PTPRD: variants seen among roughly 807,000 people sequenced by gnomAD.
PTPRD encodes the protein receptor-type tyrosine-protein phosphatase delta.
Under a neutral mutation model 214.5 loss-of-function variants are expected in PTPRD, and 34 were observed. The ratio of observed to expected loss-of-function variants is 0.16; its 90% CI spans 0.12 to 0.21. PTPRD has a LOEUF of 0.21. Among genes scored for constraint, PTPRD ranks in the 10% least tolerant of loss-of-function variants. PTPRD has a pLI of 1.00. For synonymous variants in PTPRD, 1,128 were observed against 845.7 expected, an observed-to-expected ratio of 1.33 and a Z score of -5.79; for missense variants, 2,545 against 2,398.7, an observed-to-expected ratio of 1.06 and a Z score of -1.27.
intron 36 of PTPRD, among the ~76,000 whole-genome samples, chr9:8,400,565 G>C (rs1183772517): frequency 6.6e-6 from 1 of 152,140 alleles, no homozygotes; most frequent in African/African-American, 2.4e-5. Flanking sequence ...TAGATTTTTA[G>C]GCAAAAAGAT....
At position 9,172,616 on chromosome 9, in the gene PTPRD, T is replaced by G. The variant is rs1592880709; in HGVS notation, c.-143+10688A>C. Among the ~76,000 whole-genome samples, 3 of 152,292 alleles carry G rather than the reference T, an allele frequency of 2.0e-5. No homozygotes were observed. In the East Asian group the frequency reaches 5.8e-4, roughly 29 times the overall value. Reference sequence around the variant, plus strand: ...GATGTGCTATGTCTTCTTATTCTTCTGTATGTTCCCTAGGCACTGGCAAAG... The same window carrying G: ...GATGTGCTATGTCTTCTTATTCTTCGGTATGTTCCCTAGGCACTGGCAAAG... On this transcript the variant is annotated intron_variant, in intron 10 of 45. Coordinates refer to ENST00000381196, the MANE Select transcript of PTPRD (RefSeq NM_002839.4).
chr9:9,144,729 G>T (rs2099865819), intron 10 of PTPRD, among the ~76,000 whole-genome samples: 1 of 151,992 alleles, frequency 6.6e-6, no homozygotes. Context: ...CTCCAACCTA[G>T]GCGACAGAGC....
At chr9:9,942,838 A>G (rs2091833965) in intron 4 of PTPRD, among the ~76,000 whole-genome samples, 2 of 151,446 alleles carry the variant, frequency 1.3e-5, no homozygotes, top group South Asian at 4.2e-4. Context: ...ATCATCCTAT[A>G]CATTTTCAAA....
intron 8 of PTPRD, among the ~76,000 whole-genome samples, chr9:9,509,779 G>T (rs940240970): frequency 2.1e-5 from 3 of 145,606 alleles, no homozygotes; most frequent in African/African-American, 7.7e-5. Context: ...ATTTACCACA[G>T]TTTATTGAAA....
intron 5 of PTPRD, among the ~76,000 whole-genome samples, chr9:9,776,097 G>T (rs932879100): frequency 1.3e-5 from 2 of 151,884 alleles, no homozygotes; most frequent in Admixed American, 6.6e-5. Context: ...GCCTTGCTCA[G>T]CAGTCTTACA....
chr9:9,809,264 A>ATT (rs58701533), intron 5 of PTPRD, among the ~76,000 whole-genome samples: 2,602 of 118,136 alleles, frequency 0.022, 90 homozygotes, highest in African/African-American at 0.051. Flanking sequence ...GCCACAAGAG[A>ATT]TTTTTTTTTT....
chr9:9,577,222 C>G (rs894658820), intron 7 of PTPRD, among the ~76,000 whole-genome samples: 1 of 152,106 alleles, frequency 6.6e-6, no homozygotes, highest in African/African-American at 2.4e-5. Context: ...TTTAATTTAC[C>G]ATTTTCAATG....
At chr9:8,391,598 C>G (rs1244866311) in intron 36 of PTPRD, among the ~76,000 whole-genome samples, 1 of 152,086 alleles carries the variant, frequency 6.6e-6, no homozygotes, top group Admixed American at 6.6e-5. Context: ...CAGGAAAAAC[C>G]TACTTTCAAA....
At chr9:9,468,996 T>C (rs2094412563) in intron 8 of PTPRD, among the ~76,000 whole-genome samples, 2 of 152,108 alleles carry the variant, frequency 1.3e-5, no homozygotes, top group Admixed American at 1.3e-4. Context: ...ATCAAATATT[T>C]ATATGTGACT....
intron 37 of PTPRD, 114 bp from the exon 38 acceptor site, chr9:8,376,840 CT>C: frequency 7.2e-7 from 1 of 1,384,710 alleles, no homozygotes; most frequent in Non-Finnish European, 9.9e-7. Flanking sequence ...TTATGTTGAT[CT>C]TTTTCTGGCA....
intron 7 of PTPRD, among the ~76,000 whole-genome samples, chr9:9,648,251 A>G (rs1174737628): frequency 6.6e-6 from 1 of 152,092 alleles, no homozygotes; most frequent in Non-Finnish European, 1.5e-5. Flanking sequence ...GTATATTTAG[A>G]GCCAAAAAAA....
intron 8 of PTPRD, among the ~76,000 whole-genome samples, chr9:9,415,277 C>A (rs1373845582): frequency 6.6e-6 from 1 of 151,950 alleles, no homozygotes; most frequent in East Asian, 1.9e-4. Flanking sequence ...AGTTTGAGAG[C>A]AGACTGGCTA....
chr9:10,259,059 G>GTCGCC (rs1450079525), intron 3 of PTPRD, among the ~76,000 whole-genome samples: 51 of 152,136 alleles, frequency 3.4e-4, no homozygotes, highest in African/African-American at 1.2e-3. Context: ...GTCTCACTCT[G>GTCGCC]TCGCCCAGGC....
At chr9:10,476,361 T>C (rs958283286) in intron 2 of PTPRD, among the ~76,000 whole-genome samples, 2 of 152,100 alleles carry the variant, frequency 1.3e-5, no homozygotes, top group African/African-American at 4.8e-5. Flanking sequence ...GAAAGCCAAA[T>C]CATGAGTGAA....
In PTPRD at chr9:8,937,527, G is replaced by A. The variant is rs553504784; in HGVS notation, c.-104+81170C>T. 2.1e-4 allele frequency among the ~76,000 whole-genome samples: 32 copies of A among 152,218 alleles called. No individual in the cohort carries two copies. In the South Asian group the frequency reaches 5.0e-3, roughly 24 times the overall value. On this transcript the variant is annotated intron_variant, in intron 11 of 45. Coordinates refer to ENST00000381196, the MANE Select transcript of PTPRD (RefSeq NM_002839.4). ...ATCATGCCTCTCCATTCTCTCCTCT[G>A]TGCACCCCGCAGTCTAGCATTTTAG...
intron 10 of PTPRD, among the ~76,000 whole-genome samples, chr9:9,040,056 A>C (rs1271684025): frequency 6.6e-6 from 1 of 152,124 alleles, no homozygotes; most frequent in East Asian, 1.9e-4. Flanking sequence ...GAAAGGAAAA[A>C]TAAAACTAAT....
At chr9:8,802,694 C>T (rs1037846018) in intron 11 of PTPRD, among the ~76,000 whole-genome samples, 1 of 152,194 alleles carries the variant, frequency 6.6e-6, no homozygotes, top group African/African-American at 2.4e-5. Context: ...CAACCCACAA[C>T]TAACATTTAG....
At chr9:8,812,278 G>GAGC in intron 11 of PTPRD, among the ~76,000 whole-genome samples, 1 of 151,918 alleles carries the variant, frequency 6.6e-6, no homozygotes, top group South Asian at 2.1e-4. Context: ...ATATTTATAG[G>GAGC]TCTACACATG....
intron 8 of PTPRD, among the ~76,000 whole-genome samples, chr9:9,457,428 T>C (rs1008294870): frequency 7.2e-5 from 11 of 151,990 alleles, no homozygotes; most frequent in East Asian, 1.9e-4. Context: ...AGTTTAATAA[T>C]GGCTGAAAAA....
Sources: allele counts gnomAD v4.1 joint callset (sites outside exome capture counted in the v4.1 genomes callset), GRCh38; gene constraint gnomAD v4.1.1; transcripts MANE v1.5; gene names NCBI Gene and HGNC (gene_info 2026-07-23, HGNC 2026-07-21).